EMP2: variants seen among roughly 807,000 people sequenced by gnomAD.
EMP2 encodes the protein epithelial membrane protein 2.
A neutral mutation model predicts 13.7 loss-of-function variants in EMP2; 19 were observed. The ratio of observed to expected loss-of-function variants is 1.38; its 90% confidence interval spans 0.97 to 2.03. The LOEUF (loss-of-function observed/expected upper bound fraction) is 2.03. EMP2 is among the 30% of genes most tolerant of loss of function. The pLI is 0.00. For missense variants in EMP2, 253 were observed against 220.7 expected, an observed-to-expected ratio of 1.15 and a Z score of -0.93; for synonymous variants, 97 against 84.7, an observed-to-expected ratio of 1.15 and a Z score of -0.80.
At position 10,537,080 on chromosome 16, in the gene EMP2, G is replaced by A. The variant is rs143962621; in HGVS notation, c.316+848C>T. On this transcript the variant is annotated intron_variant, in intron 4 of 4. Transcript: ENST00000359543. ...TAGTTAGAGTGGTTAGGGCCAAGCA[G>A]CCTAAGTTGGCTCCCACACCCAGAT... Among the ~76,000 whole-genome samples, 751 of 152,256 alleles carry A rather than the reference G, an allele frequency of 4.9e-3. 6 individuals carry two copies. Among genetic ancestry groups the A allele is most frequent in the African/African-American group, 0.016 (677 of 41,544 alleles).
intron 2 of EMP2, chr16:10,545,238 G>A (rs2142180185): frequency 6.6e-6 from 1 of 152,266 alleles, no homozygotes; most frequent in East Asian, 1.9e-4. Flanking sequence ...GGACTAGATG[G>A]GAAGAAATAG....
At position 10,530,450 on chromosome 16, in the gene EMP2, C is replaced by G. The variant is rs1276401607; in HGVS notation, c.*2455G>C. The G allele has an allele frequency of 6.6e-6, 1 of 152,628 alleles. No homozygotes were observed. The highest frequency in any genetic ancestry group is 1.9e-4 in the East Asian group (1 of 5,194). 9.5% of individuals were successfully genotyped at this position (152,628 alleles called of 1,614,324 possible). ...GATGGCAAACCACCACTCCACTCAG[C>G]AGAAGGTCAAGTGCAAAAGTATTTA... is the stretch of plus-strand genomic sequence containing the variant. On this transcript the variant is annotated 3_prime_UTR_variant, in exon 5 of 5. Transcript: ENST00000359543.
chr16:10,545,750 G>A (rs1459971033), intron 2 of EMP2: 2 of 152,052 alleles, frequency 1.3e-5, no homozygotes, highest in Non-Finnish European at 2.9e-5. Context: ...TAATGCACTT[G>A]AATCATTCTG....
intron 3 of EMP2, 148 bp downstream of exon 3, chr16:10,543,422 C>T: frequency 1.2e-6 from 1 of 846,318 alleles, no homozygotes; most frequent in Admixed American, 2.2e-5. Context: ...TCCTCCGCTC[C>T]AGCACACACT....
At position 10,580,346 on chromosome 16, in the gene EMP2, T is replaced by A. The variant is rs1191902771; in HGVS notation, c.-61+203A>T. 3.3e-5 allele frequency among the ~76,000 whole-genome samples: 5 copies of A among 152,102 alleles called. No homozygotes were observed. The highest frequency in any genetic ancestry group is 7.4e-5 in the Non-Finnish European group (5 of 67,998). ...GGGAAGCTGTCCCGGGATGGCGAAG[T>A]GGAATTCTGGGGCCGGAGCGAGCGT... On this transcript the variant is annotated intron_variant, in intron 1 of 4. Transcript: ENST00000359543. The surrounding 1 kb of genome is among the most constrained non-coding windows in gnomAD (Gnocchi z 4.3).
At chr16:10,548,143 T>C (rs773347314) in intron 1 of EMP2, among the ~76,000 whole-genome samples, 2 of 152,212 alleles carry the variant, frequency 1.3e-5, no homozygotes, top group Non-Finnish European at 2.9e-5. Flanking sequence ...TGAGAGGGGC[T>C]GTCTGCTGTT....
In EMP2 at chr16:10,532,758, C is replaced by CTTTTTTTTTTTTTTTTTTTTTTTTTTTT. The variant is rs878927571; in HGVS notation, c.*119_*146dup. 9.2e-5 allele frequency: 17 copies of CTTTTTTTTTTTTTTTTTTTTTTTTTTTT among 184,884 alleles called. 2 individuals carry two copies. The highest frequency in any genetic ancestry group is 3.4e-4 in the South Asian group (2 of 5,912). 11.5% of individuals were successfully genotyped at this position (184,884 alleles called of 1,614,324 possible). A position where few individuals can be genotyped will look rare whatever the true frequency, so the allele number is the denominator to read the frequency against. On this transcript the variant is annotated 3_prime_UTR_variant, in exon 5 of 5. Coordinates refer to ENST00000359543, the MANE Select transcript of EMP2 (RefSeq NM_001424.6). ...CTTTTGGATTTTTTTTTTCTTTTTTCTTTTTTTTTTTTTTTTTTTTTTTTT... is the reference window on the plus strand; with the variant it reads ...CTTTTGGATTTTTTTTTTCTTTTTTCTTTTTTTTTTTTTTTTTTTTTTTTTTTTTTTTTTTTTTTTTTTTTTTTTTTTT...
chr16:10,575,760 A>G lies in EMP2; in HGVS notation c.-61+4789T>C, dbSNP rs181211073. Among the ~76,000 whole-genome samples the G allele has an allele frequency of 1.6e-4, 24 of 152,212 alleles. No individual in the cohort carries two copies. In the East Asian group the frequency reaches 4.3e-3, roughly 27 times the overall value. On this transcript the variant is annotated intron_variant, in intron 1 of 4. Coordinates refer to ENST00000359543, the MANE Select transcript of EMP2 (RefSeq NM_001424.6). ...TCAAGCCACTTCCATGTGCATCAAT[A>G]TATCATCTCTTCTGATCCACAGACA...
chr16:10,574,381 C>T (rs1429544932), intron 1 of EMP2, among the ~76,000 whole-genome samples: 1 of 152,128 alleles, frequency 6.6e-6, no homozygotes, highest in Non-Finnish European at 1.5e-5. Context: ...TCACGCCTGC[C>T]TCCTTAGCCA....
chr16:10,571,872 C>T (rs1471898019), intron 1 of EMP2, among the ~76,000 whole-genome samples: 9 of 152,208 alleles, frequency 5.9e-5, no homozygotes, highest in Non-Finnish European at 1.3e-4. Context: ...GTGGTGTATA[C>T]TGAGAGGCCA....
In EMP2 at chr16:10,568,555, A is replaced by G. The variant is rs778219485; in HGVS notation, c.-61+11994T>C. Among the ~76,000 whole-genome samples the G allele has an allele frequency of 3.1e-4, 47 of 152,228 alleles. 1 individual carries two copies. Among genetic ancestry groups the G allele is most frequent in the Non-Finnish European group, 1.8e-4 (12 of 68,022 alleles). ...TGTCCCACTAACACACCAGTGATTG[A>G]AGAAAAGTCGTTGGTACATCTTTAT... On this transcript the variant is annotated intron_variant, in intron 1 of 4. Transcript: ENST00000359543.
At chr16:10,539,310 A>T (rs1201966542) in intron 3 of EMP2, among the ~76,000 whole-genome samples, 4 of 152,052 alleles carry the variant, frequency 2.6e-5, no homozygotes, top group South Asian at 4.2e-4. Flanking sequence ...GAGTGAACAT[A>T]ATTGGTAAGT....
At position 10,532,740 on chromosome 16, in the gene EMP2, A is replaced by ATTTTTTTTTCTTTTTTTTTGTTTTTT. The variant is rs2050613460; in HGVS notation, c.*164_*165insAAAAAACAAAAAAAAAGAAAAAAAAA. On this transcript the variant is annotated 3_prime_UTR_variant, in exon 5 of 5. Coordinates refer to ENST00000359543, the MANE Select transcript of EMP2 (RefSeq NM_001424.6). ...ATGCAAAAACTCTTCTCTCTTTTGG[A>ATTTTTTTTTCTTTTTTTTTGTTTTTT]TTTTTTTTTTCTTTTTTCTTTTTTT... 1 of 203,000 alleles carries ATTTTTTTTTCTTTTTTTTTGTTTTTT rather than the reference A, an allele frequency of 4.9e-6. No homozygotes were observed. The highest frequency in any genetic ancestry group is 7.6e-6 in the Non-Finnish European group (1 of 130,858). The allele number at this position is 203,000 out of a possible 1,614,324, so 12.6% of individuals were successfully genotyped here.
intron 1 of EMP2, among the ~76,000 whole-genome samples, chr16:10,579,731 CA>C (rs1298408761): frequency 2.0e-5 from 3 of 151,936 alleles, no homozygotes; most frequent in Admixed American, 1.3e-4. Flanking sequence ...CACACACACA[CA>C]CACACACCCT....
At chr16:10,568,780 C>CTTTTTTTTTT (rs58406598) in intron 1 of EMP2, among the ~76,000 whole-genome samples, 17 of 85,230 alleles carry the variant, frequency 2.0e-4, no homozygotes, top group East Asian at 3.7e-4. Flanking sequence ...CTAGGATTTT[C>CTTTTTTTTTT]TTTTTTTTTT....
At position 10,537,919 on chromosome 16, in the gene EMP2, T is replaced by G. The variant is rs773980255; in HGVS notation, c.316+9A>C. 5.0e-6 allele frequency: 8 copies of G among 1,612,904 alleles called. No individual in the cohort carries two copies. The highest frequency in any genetic ancestry group is 1.7e-5 in the Admixed American group (1 of 59,974). ...GCCCCTTGTTAGGGAAGCCCGTTGA[T>G]GTACTTACATGACATTAGCTGGATG... On this transcript the variant is annotated intron_variant, in intron 4 of 4. Coordinates refer to ENST00000359543, the MANE Select transcript of EMP2 (RefSeq NM_001424.6).
chr16:10,557,004 C>A (rs568969315), intron 1 of EMP2, among the ~76,000 whole-genome samples: 2 of 152,148 alleles, frequency 1.3e-5, no homozygotes, highest in South Asian at 2.1e-4. Context: ...TCTCTCTGCA[C>A]TGGCCCATTC....
intron 1 of EMP2, among the ~76,000 whole-genome samples, chr16:10,555,529 T>C (rs970754321): frequency 1.3e-5 from 2 of 152,094 alleles, no homozygotes; most frequent in African/African-American, 4.8e-5. Context: ...AACCAAAAGG[T>C]ATATGGTGTA....
In EMP2 at chr16:10,529,014, T is replaced by C. The variant is rs2050576835; in HGVS notation, c.*3891A>G. 1 of 149,602 alleles carries C rather than the reference T, an allele frequency of 6.7e-6. No individual in the cohort carries two copies. The highest frequency in any genetic ancestry group is 1.5e-5 in the Non-Finnish European group (1 of 67,470). The allele number at this position is 149,602 out of a possible 1,614,324, so 9.3% of individuals were successfully genotyped here. On this transcript the variant is annotated 3_prime_UTR_variant, in exon 5 of 5. Coordinates refer to ENST00000359543, the MANE Select transcript of EMP2 (RefSeq NM_001424.6). ...TGAATAGGTCTCCGATGTTCCTGTA[T>C]TCAGGTATATATATATACACATTCA...
Sources: gnomAD v4.1 joint callset for allele counts (sites outside exome capture counted in the v4.1 genomes callset) on GRCh38, gnomAD v4.1.1 for gene constraint, Gnocchi (gnomAD v3.1) non-coding constraint, MANE v1.5 for transcripts, NCBI Gene and HGNC (gene_info 2026-07-23, HGNC 2026-07-21) for gene names.